ATP10B: variants seen among roughly 807,000 people sequenced by gnomAD.
ATP10B encodes the protein phospholipid-transporting ATPase VB.
A neutral mutation model predicts 141.2 loss-of-function variants in ATP10B; 122 were observed. The observed-to-expected ratio is 0.86, with a 90% confidence interval of 0.75 to 1.00. The LOEUF is 1.00. Ranked by LOEUF, ATP10B falls within the 50% of genes least tolerant of loss-of-function variation. The probability of loss-of-function intolerance (pLI) is 0.00; values close to 1 mark genes in which losing one functional copy is unlikely to be tolerated. For missense variants in ATP10B, 1,876 were observed against 1,825.3 expected, an observed-to-expected ratio of 1.03 and a Z score of -0.51; for synonymous variants, 685 against 692.0, an observed-to-expected ratio of 0.99 and a Z score of 0.16.
At chr5:160,812,024 G>GACAGAGAC (rs1158531243) in intron 1 of ATP10B, among the ~76,000 whole-genome samples, 100 of 20,576 alleles carry the variant, frequency 4.9e-3, no homozygotes, top group Middle Eastern at 0.016. Context: ...CAGAGACAGA[G>GACAGAGAC]AGAGAGAGAG....
chr5:160,794,007 T>G (rs1188239213), intron 1 of ATP10B, among the ~76,000 whole-genome samples: 2 of 152,228 alleles, frequency 1.3e-5, no homozygotes, highest in Admixed American at 1.3e-4. Context: ...CTCTGTGATG[T>G]TAGTACAGGA....
intron 5 of ATP10B, among the ~76,000 whole-genome samples, chr5:160,686,587 C>T (rs1454148525): frequency 6.6e-6 from 1 of 152,198 alleles, no homozygotes; most frequent in Non-Finnish European, 1.5e-5. Flanking sequence ...CCCCTTCTCA[C>T]CCTTTCCCCC....
At chr5:160,819,032 G>A (rs1773903664) in intron 1 of ATP10B, among the ~76,000 whole-genome samples, 1 of 152,174 alleles carries the variant, frequency 6.6e-6, no homozygotes, top group Non-Finnish European at 1.5e-5. Context: ...ATAGCATTAG[G>A]AGATATACCT....
intron 6 of ATP10B, among the ~76,000 whole-genome samples, chr5:160,679,551 G>A (rs1013233128): frequency 3.9e-5 from 6 of 152,172 alleles, no homozygotes; most frequent in African/African-American, 1.4e-4. Context: ...TCTGCAGGTG[G>A]GTGGGTCACC....
chr5:160,859,265 A>T, the ATP10B span, among the ~76,000 whole-genome samples: 1 of 151,918 alleles, frequency 6.6e-6, no homozygotes, highest in Non-Finnish European at 1.5e-5. Flanking sequence ...ATAGAACTTA[A>T]AAAATATTTT....
At chr5:160,798,490 T>C (rs1772119376) in intron 1 of ATP10B, among the ~76,000 whole-genome samples, 1 of 151,884 alleles carries the variant, frequency 6.6e-6, no homozygotes, top group African/African-American at 2.4e-5. Flanking sequence ...GAGGTAGAGG[T>C]TGGAGTTACA....
intron 13 of ATP10B, among the ~76,000 whole-genome samples, chr5:160,626,940 C>G (rs1446740313): frequency 6.6e-6 from 1 of 152,182 alleles, no homozygotes; most frequent in Non-Finnish European, 1.5e-5. Flanking sequence ...AGGAAATAAA[C>G]AGGAACCCTG....
intron 1 of ATP10B, among the ~76,000 whole-genome samples, chr5:160,807,735 T>C (rs530119407): frequency 7.3e-4 from 111 of 152,310 alleles, no homozygotes; most frequent in Non-Finnish European, 9.9e-4. Flanking sequence ...TATATAATAT[T>C]CTAGATGAAT....
intron 24 of ATP10B, among the ~76,000 whole-genome samples, chr5:160,570,224 A>C (rs1034897196): frequency 1.3e-5 from 2 of 152,070 alleles, no homozygotes; most frequent in Admixed American, 1.3e-4. Context: ...TTCAGGGTAC[A>C]TGTAATAATT....
In ATP10B at chr5:160,689,524, A is replaced by G. The variant is rs574339976; in HGVS notation, c.-204-581T>C. Among the ~76,000 whole-genome samples, 7 of 152,378 alleles carry G rather than the reference A, an allele frequency of 4.6e-5. No homozygotes were observed. The East Asian group carries it at 1.3e-3, about 29-fold the overall frequency. ...CCCTAAGCTGATAAGCAACTTCAGC[A>G]AAATCTCAGGATACAAAATCAATGT... On this transcript the variant is annotated intron_variant, in intron 3 of 25. Coordinates refer to ENST00000327245, the MANE Select transcript of ATP10B (RefSeq NM_025153.3).
intron 1 of ATP10B, among the ~76,000 whole-genome samples, chr5:160,801,780 C>T (rs967344989): frequency 1.3e-5 from 2 of 152,136 alleles, no homozygotes; most frequent in Non-Finnish European, 2.9e-5. Flanking sequence ...GAGACAGAAT[C>T]GAAACCTGGA....
the ATP10B span, among the ~76,000 whole-genome samples, chr5:160,919,192 C>A: frequency 4.7e-4 from 55 of 117,324 alleles, no homozygotes; most frequent in Non-Finnish European, 7.9e-4. Flanking sequence ...CCACTGCACT[C>A]CAGCCTGGGC....
At chr5:160,878,436 G>A in the ATP10B span, among the ~76,000 whole-genome samples, 1 of 152,072 alleles carries the variant, frequency 6.6e-6, no homozygotes, top group Non-Finnish European at 1.5e-5. Flanking sequence ...AACCCTAGAA[G>A]AAAACCTAGG....
rs1434500904 is a variant in ATP10B at position 160,565,707 on chromosome 5, T to A, written c.4132A>T (p.Ser1378Cys). The A allele has an allele frequency of 5.0e-6, 8 of 1,614,106 alleles. No individual in the cohort carries two copies. The highest frequency in any genetic ancestry group is 6.8e-6 in the Non-Finnish European group (8 of 1,179,980). Residue 1378 changes from serine to cysteine, a missense_variant, in exon 26 of 26, where the codon AGT (serine) becomes TGT (cysteine). Transcript: ENST00000327245. Reference sequence around the variant, plus strand: ...TTAGAGCTCTTTGGGGTGCTGGCACTGAAGTCCTGTCCTGTGATAGATGAC... The same window carrying A: ...TTAGAGCTCTTTGGGGTGCTGGCACAGAAGTCCTGTCCTGTGATAGATGAC... ...PVSSITGQDF[S>C]ASTPKSSNPP...
At chr5:160,922,751 T>C in the ATP10B span, among the ~76,000 whole-genome samples, 2 of 152,240 alleles carry the variant, frequency 1.3e-5, no homozygotes, top group Non-Finnish European at 2.9e-5. Context: ...AGCTCCTATG[T>C]ACTTGGAAGC....
the ATP10B span, among the ~76,000 whole-genome samples, chr5:160,862,031 G>T: frequency 2.0e-5 from 3 of 151,886 alleles, no homozygotes; most frequent in Non-Finnish European, 4.4e-5. Context: ...GTGTTGTTTT[G>T]GTTGAAGTAC....
At chr5:160,911,480 C>A in the ATP10B span, among the ~76,000 whole-genome samples, 1 of 152,154 alleles carries the variant, frequency 6.6e-6, no homozygotes, top group Non-Finnish European at 1.5e-5. Context: ...TGCTTGAGTA[C>A]AGAGCTGGTT....
At chr5:160,781,383 A>ACGTC (rs1401343016) in intron 2 of ATP10B, among the ~76,000 whole-genome samples, 1 of 152,104 alleles carries the variant, frequency 6.6e-6, no homozygotes, top group Non-Finnish European at 1.5e-5. Context: ...ATGCTGCTCT[A>ACGTC]CGTCCAGGAG....
chr5:160,779,086 A>C (rs1770544146), intron 2 of ATP10B, among the ~76,000 whole-genome samples: 1 of 152,214 alleles, frequency 6.6e-6, no homozygotes, highest in African/African-American at 2.4e-5. Flanking sequence ...TCCTGTTATT[A>C]ATGTCACTAT....
Sources: allele counts gnomAD v4.1 joint callset (sites outside exome capture counted in the v4.1 genomes callset), GRCh38; gene constraint gnomAD v4.1.1; transcripts MANE v1.5; gene names NCBI Gene and HGNC (gene_info 2026-07-23, HGNC 2026-07-21).